Variants in GRIP1 observed in about 807,000 individuals in gnomAD.
GRIP1 encodes glutamate receptor-interacting protein 1.
GRIP1 carries 45 observed loss-of-function variants against 129.9 expected under a neutral mutation model. The ratio of observed to expected loss-of-function variants is 0.35; its 90% CI spans 0.27 to 0.44. The LOEUF is 0.44. Among genes scored for constraint, GRIP1 ranks in the 20% least tolerant of loss-of-function variants. GRIP1 has a pLI of 1.00. For synonymous variants in GRIP1, 530 were observed against 520.8 expected (o/e 1.02, Z -0.24); for missense variants, 1,196 against 1,396.8 (o/e 0.86, Z 2.29).
intron 7 of GRIP1, among the ~76,000 whole-genome samples, chr12:66,494,209 TAATGTACTTA>T (rs781123286): frequency 9.2e-5 from 14 of 152,234 alleles, no homozygotes; most frequent in Admixed American, 2.0e-4. Context: ...TAAGGCTCAA[TAATGTACTTA>T]AATGTACTTA....
chr12:66,828,417 A>G (rs1275199657), intron 1 of GRIP1, among the ~76,000 whole-genome samples: 1 of 152,206 alleles, frequency 6.6e-6, no homozygotes, highest in African/African-American at 2.4e-5. Context: ...CAGTACTTCA[A>G]TAATATGATT....
chr12:66,958,465 G>C (rs969256363), intron 1 of GRIP1, among the ~76,000 whole-genome samples: 6 of 152,038 alleles, frequency 3.9e-5, no homozygotes, highest in African/African-American at 1.4e-4. Context: ...TACTTTGTGG[G>C]AATAAAAAAA....
At chr12:66,965,985 GTTC>G (rs1292557124) in intron 1 of GRIP1, among the ~76,000 whole-genome samples, 1 of 152,270 alleles carries the variant, frequency 6.6e-6, no homozygotes, top group African/African-American at 2.4e-5. Flanking sequence ...GAAAGAGATG[GTTC>G]TTCTTTACTT....
chr12:67,024,113 T>C (rs1388118221), intron 1 of GRIP1, among the ~76,000 whole-genome samples: 1 of 147,188 alleles, frequency 6.8e-6, no homozygotes, highest in African/African-American at 2.5e-5. Context: ...GATCTTTGAA[T>C]CCTTTTTTAA....
At chr12:66,769,933 T>A (rs553152563) in intron 1 of GRIP1, among the ~76,000 whole-genome samples, 7 of 152,332 alleles carry the variant, frequency 4.6e-5, no homozygotes, top group African/African-American at 1.4e-4. Flanking sequence ...GTTTATAATT[T>A]AAAAATTAGT....
chr12:66,748,539 G>A (rs1038108769), intron 1 of GRIP1, among the ~76,000 whole-genome samples: 2 of 152,108 alleles, frequency 1.3e-5, no homozygotes, highest in Non-Finnish European at 2.9e-5. Flanking sequence ...TGTATCTATC[G>A]TAAGTTCCAA....
intron 1 of GRIP1, among the ~76,000 whole-genome samples, chr12:67,000,839 T>A (rs2042540653): frequency 6.6e-6 from 1 of 152,192 alleles, no homozygotes; most frequent in Non-Finnish European, 1.5e-5. Context: ...ACAAAAAAAG[T>A]AAGATGTCAG....
chr12:66,427,528 T>C (rs1014719832), intron 14 of GRIP1, among the ~76,000 whole-genome samples: 2 of 152,126 alleles, frequency 1.3e-5, no homozygotes, highest in South Asian at 4.1e-4. Flanking sequence ...ACTTAAACAA[T>C]AGTTTCCCAA....
At chr12:66,665,316 CT>C (rs2033735289) in intron 1 of GRIP1, among the ~76,000 whole-genome samples, 1 of 152,228 alleles carries the variant, frequency 6.6e-6, no homozygotes, top group Non-Finnish European at 1.5e-5. Flanking sequence ...CCAAAATAAA[CT>C]TTTTATTACA....
At chr12:66,911,072 T>C (rs772221258) in intron 1 of GRIP1, among the ~76,000 whole-genome samples, 1 of 152,244 alleles carries the variant, frequency 6.6e-6, no homozygotes, top group African/African-American at 2.4e-5. Context: ...AATATATGGT[T>C]GTTACCCTCA....
At chr12:66,802,662 T>C (rs955020397) in intron 1 of GRIP1, among the ~76,000 whole-genome samples, 2 of 152,316 alleles carry the variant, frequency 1.3e-5, no homozygotes, top group Admixed American at 6.5e-5. Flanking sequence ...GGTATGAATC[T>C]GACTCAGTAT....
intron 23 of GRIP1, among the ~76,000 whole-genome samples, chr12:66,361,768 G>A (rs2054781995): frequency 6.6e-6 from 1 of 152,076 alleles, no homozygotes; most frequent in Non-Finnish European, 1.5e-5. Context: ...GCTTGGCTCT[G>A]GCCTGGCCCT....
chr12:66,653,327 T>C (rs1731240348), intron 1 of GRIP1, among the ~76,000 whole-genome samples: 1 of 152,236 alleles, frequency 6.6e-6, no homozygotes, highest in South Asian at 2.1e-4. Flanking sequence ...TTTATAAACA[T>C]TAGGTGCCCC....
chr12:66,726,824 G>A (rs1565990332), intron 1 of GRIP1, among the ~76,000 whole-genome samples: 1 of 152,214 alleles, frequency 6.6e-6, no homozygotes, highest in South Asian at 2.1e-4. Flanking sequence ...CATTAAGTAA[G>A]ATCGGCTGGA....
chr12:66,978,373 GGT>G (rs1566103547), intron 1 of GRIP1, among the ~76,000 whole-genome samples: 1 of 152,132 alleles, frequency 6.6e-6, no homozygotes, highest in Non-Finnish European at 1.5e-5. Flanking sequence ...AACTGTAAGT[GGT>G]CTGAATCATA....
At chr12:67,002,440 T>C (rs887261631) in intron 1 of GRIP1, among the ~76,000 whole-genome samples, 9 of 152,212 alleles carry the variant, frequency 5.9e-5, no homozygotes, top group African/African-American at 1.9e-4. Flanking sequence ...AATGCTGGTG[T>C]AGTGCATCAA....
intron 22 of GRIP1, among the ~76,000 whole-genome samples, chr12:66,374,780 T>C (rs1261540761): frequency 6.6e-6 from 1 of 152,194 alleles, no homozygotes; most frequent in Non-Finnish European, 1.5e-5. Context: ...ACTAATTCTT[T>C]GGTTCGCATT....
At chr12:66,519,496 A>G (rs1420583289) in intron 5 of GRIP1, among the ~76,000 whole-genome samples, 1 of 152,214 alleles carries the variant, frequency 6.6e-6, no homozygotes, top group Non-Finnish European at 1.5e-5. Flanking sequence ...ATAGCAAGAA[A>G]TCGTTCCATA....
upstream of GRIP1, among the ~76,000 whole-genome samples, chr12:66,807,183 C>T (rs952020342): frequency 6.6e-6 from 1 of 152,112 alleles, no homozygotes; most frequent in Non-Finnish European, 1.5e-5. Context: ...TTCCTGGGTC[C>T]ATATTTCTTG....
Sources: gnomAD v4.1 joint callset for allele counts (sites outside exome capture counted in the v4.1 genomes callset) on GRCh38, gnomAD v4.1.1 for gene constraint, MANE v1.5 for transcripts, NCBI Gene and HGNC (gene_info 2026-07-23, HGNC 2026-07-21) for gene names.